RBFOX1: variants seen among roughly 807,000 people sequenced by gnomAD.
The protein encoded by RBFOX1 is RNA binding fox-1 homolog 1, also known as RNA binding protein fox-1 homolog 1.
In RBFOX1, 8 loss-of-function variants were observed where a neutral mutation model predicts 57.7. The ratio of observed to expected loss-of-function variants is 0.14; its 90% CI spans 0.08 to 0.25. The LOEUF is 0.25. Among genes scored for constraint, RBFOX1 ranks in the 10% least tolerant of loss-of-function variants. RBFOX1 has a pLI of 1.00. For missense variants in RBFOX1, 611 were observed against 548.5 expected (o/e 1.11, Z -1.14); for synonymous variants, 326 against 222.4 (o/e 1.47, Z -4.15).
chr16:5,810,807 G>A (rs918533678), intron 3 of RBFOX1, among the ~76,000 whole-genome samples: 1 of 152,076 alleles, frequency 6.6e-6, no homozygotes, highest in African/African-American at 2.4e-5. Flanking sequence ...TGTGCAAAAG[G>A]AAATCATCAC....
chr16:6,811,452 A>G (rs764669368), intron 3 of RBFOX1, among the ~76,000 whole-genome samples: 7 of 152,176 alleles, frequency 4.6e-5, no homozygotes, highest in Non-Finnish European at 7.3e-5. Context: ...TTTTTCCTCT[A>G]TGAATATTGT....
chr16:6,478,189 G>GC (rs1019316070), intron 2 of RBFOX1, among the ~76,000 whole-genome samples: 3 of 96,234 alleles, frequency 3.1e-5, no homozygotes, highest in African/African-American at 9.8e-5. Context: ...AACTTGGCTA[G>GC]TTGGTGCAGG....
At chr16:5,253,911 A>G (rs1236843898) in intron 1 of RBFOX1, among the ~76,000 whole-genome samples, 2 of 152,130 alleles carry the variant, frequency 1.3e-5, no homozygotes, top group Non-Finnish European at 2.9e-5. Flanking sequence ...ATCCTCAGGG[A>G]AGCCTGGCCA....
intron 1 of RBFOX1, among the ~76,000 whole-genome samples, chr16:6,102,436 C>G (rs1236373513): frequency 6.6e-6 from 1 of 152,150 alleles, no homozygotes; most frequent in African/African-American, 2.4e-5. Context: ...ACAACGGTGT[C>G]ATTTGCAACA....
intron 3 of RBFOX1, among the ~76,000 whole-genome samples, chr16:6,679,878 G>GGTTTTTTTTT (rs1487919870): frequency 6.1e-5 from 7 of 114,304 alleles, no homozygotes; most frequent in African/African-American, 1.6e-4. Flanking sequence ...GTTTCTACTT[G>GGTTTTTTTTT]TTTTTTTTTT....
chr16:6,899,650 C>A lies in RBFOX1; in HGVS notation c.-15-152407C>A, dbSNP rs547064528. Among the ~76,000 whole-genome samples the A allele has an allele frequency of 6.6e-5, 10 of 152,338 alleles. No homozygotes were observed. The South Asian group carries it at 2.1e-3, about 32-fold the overall frequency. Reference sequence around the variant, plus strand: ...TCTTTGAAATGGGAAGAATAAACGTCCATACCTCCTCAAGCAAGTGTCAAT... The same window carrying A: ...TCTTTGAAATGGGAAGAATAAACGTACATACCTCCTCAAGCAAGTGTCAAT... On this transcript the variant is annotated intron_variant, in intron 3 of 15. Coordinates refer to ENST00000550418, the MANE Select transcript of RBFOX1 (RefSeq NM_018723.4).
At chr16:5,492,063 C>G (rs779009969) in intron 2 of RBFOX1, among the ~76,000 whole-genome samples, 1 of 152,176 alleles carries the variant, frequency 6.6e-6, no homozygotes, top group African/African-American at 2.4e-5. Flanking sequence ...CTTGTTGGAA[C>G]TGCACACTCT....
At chr16:6,952,034 T>C (rs913342422) in intron 3 of RBFOX1, among the ~76,000 whole-genome samples, 2 of 152,210 alleles carry the variant, frequency 1.3e-5, no homozygotes, top group African/African-American at 2.4e-5. Flanking sequence ...TGGCCACTGT[T>C]GAAAAAAGTG....
intron 3 of RBFOX1, among the ~76,000 whole-genome samples, chr16:5,618,510 T>C (rs2048114060): frequency 6.6e-6 from 1 of 152,094 alleles, no homozygotes; most frequent in African/African-American, 2.4e-5. Context: ...GCTAATTTTT[T>C]GTATTTTTAG....
At chr16:7,035,953 A>T (rs2044282270) in intron 3 of RBFOX1, among the ~76,000 whole-genome samples, 1 of 152,174 alleles carries the variant, frequency 6.6e-6, no homozygotes, top group Non-Finnish European at 1.5e-5. Flanking sequence ...CAGACAACTG[A>T]ACTGGAAAAT....
At chr16:7,096,828 G>A (rs1458719590) in intron 4 of RBFOX1, among the ~76,000 whole-genome samples, 2 of 151,250 alleles carry the variant, frequency 1.3e-5, no homozygotes, top group African/African-American at 2.4e-5. Flanking sequence ...GCTACGTAGG[G>A]GGCTGAGGTA....
chr16:7,332,167 A>G (rs1019918169), intron 4 of RBFOX1, among the ~76,000 whole-genome samples: 9 of 152,232 alleles, frequency 5.9e-5, no homozygotes, highest in Admixed American at 2.0e-4. Context: ...ATGTGTTTGT[A>G]GCTTCGCACT....
intron 3 of RBFOX1, among the ~76,000 whole-genome samples, chr16:6,975,077 G>C (rs764882636): frequency 6.6e-6 from 1 of 152,082 alleles, no homozygotes; most frequent in Non-Finnish European, 1.5e-5. Flanking sequence ...AGAATAAAGA[G>C]GACGGGAAAA....
intron 1 of RBFOX1, among the ~76,000 whole-genome samples, chr16:6,181,862 C>T (rs757957366): frequency 6.6e-5 from 10 of 152,154 alleles, no homozygotes; most frequent in African/African-American, 9.7e-5. Context: ...GGGTCTCTCT[C>T]TGGTTGTAGG....
At chr16:6,684,799 A>T (rs866394713) in intron 3 of RBFOX1, among the ~76,000 whole-genome samples, 6 of 152,162 alleles carry the variant, frequency 3.9e-5, no homozygotes, top group Admixed American at 2.6e-4. Context: ...GGAAAAGAAA[A>T]ATTCCTTAAA....
At position 7,711,635 on chromosome 16, in the gene RBFOX1, A is replaced by T. The variant is rs565662719; in HGVS notation, c.*890A>T. On this transcript the variant is annotated 3_prime_UTR_variant, in exon 16 of 16. Coordinates refer to ENST00000550418, the MANE Select transcript of RBFOX1 (RefSeq NM_018723.4). ...TTTCCAAAAAAAGAAAGTAATAAAA[A>T]CTTAAATTCTTTGTACCAGTTAAAA... The T allele has an allele frequency of 2.0e-5, 3 of 152,694 alleles. No individual in the cohort carries two copies. In the East Asian group the frequency reaches 5.8e-4, roughly 29 times the overall value. The allele number at this position is 152,694 out of a possible 1,614,324, so 9.5% of individuals were successfully genotyped here.
chr16:5,733,048 C>A (rs1197942676), intron 3 of RBFOX1, among the ~76,000 whole-genome samples: 1 of 152,132 alleles, frequency 6.6e-6, no homozygotes, highest in Non-Finnish European at 1.5e-5. Context: ...TGTGCCTAAA[C>A]AGGGGGTACA....
intron 3 of RBFOX1, among the ~76,000 whole-genome samples, chr16:6,815,562 C>A (rs1350584396): frequency 1.3e-5 from 2 of 152,220 alleles, no homozygotes; most frequent in African/African-American, 4.8e-5. Context: ...TCTATCCATA[C>A]AGTATCTCAT....
intron 3 of RBFOX1, among the ~76,000 whole-genome samples, chr16:5,777,645 T>C (rs2054189914): frequency 6.6e-6 from 1 of 152,210 alleles, no homozygotes; most frequent in African/African-American, 2.4e-5. Flanking sequence ...AGCGGAATAA[T>C]GCTAGTACAA....
Sources: allele counts gnomAD v4.1 joint callset (sites outside exome capture counted in the v4.1 genomes callset), GRCh38; gene constraint gnomAD v4.1.1; transcripts MANE v1.5; gene names NCBI Gene and HGNC (gene_info 2026-07-23, HGNC 2026-07-21).